GPALPP1: variants seen among roughly 807,000 people sequenced by gnomAD.
GPALPP1 encodes GPALPP motifs-containing protein 1.
In GPALPP1, 30 loss-of-function variants were observed where a neutral mutation model predicts 38.9. That is an observed-to-expected ratio of 0.77 (90% CI 0.58 to 1.05). GPALPP1 has a LOEUF of 1.05. Ranked by LOEUF, GPALPP1 falls within the 50% of genes least tolerant of loss-of-function variation. The pLI is 0.00. For missense variants in GPALPP1, 384 were observed against 408.8 expected (o/e 0.94, Z 0.52); for synonymous variants, 120 against 139.2 (o/e 0.86, Z 0.97).
chr13:44,992,828 A>G (rs1872910111), intron 1 of GPALPP1, among the ~76,000 whole-genome samples: 1 of 152,210 alleles, frequency 6.6e-6, no homozygotes, highest in Non-Finnish European at 1.5e-5. Flanking sequence ...ATTTGTAAGC[A>G]TATAGGTCAG....
intron 7 of GPALPP1, 132 bp downstream of exon 7, chr13:45,020,560 A>G (rs1049756278): frequency 2.6e-5 from 14 of 532,494 alleles, no homozygotes; most frequent in African/African-American, 6.1e-5. Flanking sequence ...ACATAGCAAG[A>G]CCTTGTTTCT....
chr13:45,028,007 A>G lies in GPALPP1; in HGVS notation c.*4A>G, dbSNP rs746058950. The G allele has an allele frequency of 6.3e-6, 9 of 1,418,666 alleles. No homozygotes were observed. The South Asian group carries it at 8.1e-5, about 13-fold the overall frequency. The allele number at this position is 1,418,666 out of a possible 1,614,324, so 87.9% of individuals were successfully genotyped here. ...CAAAGGCAATATGTTTTTATAAGTA[A>G]GTATATTTCAGTGAGGTATATTTTA... On this transcript the variant is annotated 3_prime_UTR_variant, in exon 8 of 8. Transcript: ENST00000379151.
intron 1 of GPALPP1, among the ~76,000 whole-genome samples, chr13:44,991,315 C>CGG (rs1209362652): frequency 2.6e-5 from 4 of 151,750 alleles, no homozygotes; most frequent in African/African-American, 9.7e-5. Flanking sequence ...GGCATGGTGG[C>CGG]ACGTACCTGT....
chr13:44,995,421 T>G (rs1873195868), intron 1 of GPALPP1, among the ~76,000 whole-genome samples: 1 of 152,208 alleles, frequency 6.6e-6, no homozygotes, highest in African/African-American at 2.4e-5. Context: ...TATAAGAACT[T>G]AGATGCTTAT....
intron 1 of GPALPP1, among the ~76,000 whole-genome samples, chr13:44,995,660 A>G (rs941926878): frequency 9.8e-5 from 15 of 152,302 alleles, no homozygotes; most frequent in African/African-American, 3.6e-4. Flanking sequence ...AAGCCCTTCA[A>G]TCCCAAGCAA....
chr13:44,991,992 A>G (rs1421804842), intron 1 of GPALPP1, among the ~76,000 whole-genome samples: 1 of 152,224 alleles, frequency 6.6e-6, no homozygotes, highest in African/African-American at 2.4e-5. Context: ...ATGTTCTGCA[A>G]TTTATCCATT....
intron 1 of GPALPP1, among the ~76,000 whole-genome samples, chr13:44,992,531 A>T (rs1487193359): frequency 6.6e-6 from 1 of 152,092 alleles, no homozygotes; most frequent in Non-Finnish European, 1.5e-5. Context: ...TATTTAAGCT[A>T]TCTTTGCCCA....
chr13:44,996,039 C>T (rs558821177), intron 1 of GPALPP1, among the ~76,000 whole-genome samples: 11 of 152,116 alleles, frequency 7.2e-5, no homozygotes, highest in Non-Finnish European at 1.5e-4. Context: ...TCAGTAGATT[C>T]CTTTTGGCGG....
At chr13:44,991,364 T>A (rs2137941462) in intron 1 of GPALPP1, among the ~76,000 whole-genome samples, 1 of 151,958 alleles carries the variant, frequency 6.6e-6, no homozygotes, top group Middle Eastern at 3.4e-3. Flanking sequence ...GGAGAATTGC[T>A]TGAACCTGGG....
intron 3 of GPALPP1, 65 bp downstream of exon 3, chr13:45,006,368 A>C: frequency 5.3e-6 from 4 of 752,184 alleles, no homozygotes; most frequent in Non-Finnish European, 8.9e-6. Flanking sequence ...ATCTTTAATG[A>C]ATTAAAGAAT....
At chr13:44,996,784 C>CTTTTTTTTT (rs770919969) in intron 1 of GPALPP1, among the ~76,000 whole-genome samples, 1 of 80,398 alleles carries the variant, frequency 1.2e-5, no homozygotes, top group Non-Finnish European at 2.1e-5. Context: ...TGCCCAGCCT[C>CTTTTTTTTT]TTTTTTTTTT....
chr13:45,002,553 A>G (rs1873773232), intron 1 of GPALPP1: 2 of 152,226 alleles, frequency 1.3e-5, no homozygotes, highest in Non-Finnish European at 1.5e-5. Context: ...AGACTTTGTT[A>G]GGTGTTTTGC....
At chr13:45,013,512 C>A (rs750969217) in intron 4 of GPALPP1, among the ~76,000 whole-genome samples, 31 of 152,210 alleles carry the variant, frequency 2.0e-4, no homozygotes, top group Non-Finnish European at 3.7e-4. Context: ...AAAGTGACTA[C>A]TTTGTAATAT....
intron 1 of GPALPP1, among the ~76,000 whole-genome samples, chr13:45,001,545 T>G (rs370423502): frequency 6.6e-6 from 1 of 151,606 alleles, no homozygotes; most frequent in African/African-American, 2.4e-5. Context: ...CCATTGCCCT[T>G]CACCTGCCTA....
intron 1 of GPALPP1, 107 bp from the exon 2 acceptor site, chr13:45,004,198 T>C (rs1412854766): frequency 2.0e-5 from 17 of 830,336 alleles, no homozygotes; most frequent in African/African-American, 3.4e-5. Flanking sequence ...TAATAAATGA[T>C]AGACAGCCAG....
intron 4 of GPALPP1, among the ~76,000 whole-genome samples, chr13:45,010,079 A>G (rs1593394135): frequency 6.6e-6 from 1 of 152,132 alleles, no homozygotes; most frequent in African/African-American, 2.4e-5. Flanking sequence ...AGTCAAAACC[A>G]AAGTCCTTTT....
chr13:45,028,334 T>C lies in GPALPP1; in HGVS notation c.*331T>C, dbSNP rs1654699398. ...TTATTAAAGATGAAGAAAGGCTTGCTGGTTGTTTGTATGTTAAACAAAATC... is the reference window on the plus strand; with the variant it reads ...TTATTAAAGATGAAGAAAGGCTTGCCGGTTGTTTGTATGTTAAACAAAATC... On this transcript the variant is annotated 3_prime_UTR_variant, in exon 8 of 8. Transcript: ENST00000379151. The C allele has an allele frequency of 6.2e-6, 1 of 160,378 alleles. No homozygotes were observed. Among genetic ancestry groups the C allele is most frequent in the African/African-American group, 2.4e-5 (1 of 41,640 alleles). The allele number at this position is 160,378 out of a possible 1,614,324, so 9.9% of individuals were successfully genotyped here. A position where few individuals can be genotyped will look rare whatever the true frequency, so the allele number is the denominator to read the frequency against.
intron 6 of GPALPP1, 69 bp downstream of exon 6, chr13:45,015,665 C>A: frequency 9.3e-7 from 1 of 1,079,616 alleles, no homozygotes; most frequent in Non-Finnish European, 1.3e-6. Flanking sequence ...AGATATAATG[C>A]AAAATTATTT....
rs1593410873 is a variant in GPALPP1, at chr13:45,028,615, G to C, written c.*612G>C. On this transcript the variant is annotated 3_prime_UTR_variant, in exon 8 of 8. Transcript: ENST00000379151. ...CCCGTATCTACAAAAAACTAACCAG[G>C]TGCAGTGGAGCACACCTATAGTCCC... is the stretch of plus-strand genomic sequence containing the variant. The C allele has an allele frequency of 6.6e-6, 1 of 152,528 alleles. No individual in the cohort carries two copies. The highest frequency in any genetic ancestry group is 2.1e-4 in the South Asian group (1 of 4,826). The allele number at this position is 152,528 out of a possible 1,614,324, so 9.4% of individuals were successfully genotyped here.
Sources: gnomAD v4.1 joint callset for allele counts (sites outside exome capture counted in the v4.1 genomes callset) on GRCh38, gnomAD v4.1.1 for gene constraint, MANE v1.5 for transcripts, NCBI Gene and HGNC (gene_info 2026-07-23, HGNC 2026-07-21) for gene names.